The following SYCE1 variants were observed in gnomAD, a reference collection of about 807,000 sequenced individuals.
SYCE1 encodes the protein synaptonemal complex central element protein 1.
A neutral mutation model predicts 55.1 loss-of-function variants in SYCE1; 37 were observed. The ratio of observed to expected loss-of-function variants is 0.67; its 90% CI spans 0.52 to 0.88. The LOEUF (loss-of-function observed/expected upper bound fraction) is 0.88. Ranked by LOEUF, SYCE1 falls within the 40% of genes least tolerant of loss-of-function variation. The pLI is 0.00. For missense variants in SYCE1, 399 were observed against 416.4 expected (o/e 0.96, Z 0.36); for synonymous variants, 163 against 159.4 (o/e 1.02, Z -0.17).
In SYCE1 at chr10:133,556,354, C is replaced by T. The variant is rs1009941822; in HGVS notation, c.529-307G>A. 9.2e-6 allele frequency: 5 copies of T among 542,278 alleles called. No individual in the cohort carries two copies. The African/African-American group carries it at 9.4e-5, about 10-fold the overall frequency. The allele number at this position is 542,278 out of a possible 1,614,324, so 33.6% of individuals were successfully genotyped here. ...TCTGGAGGATCAGGTACCGGTTTAG[C>T]TCTGCAGCTCCTCCCCACTCCCCTC... On this transcript the variant is annotated intron_variant, in intron 8 of 12. Coordinates refer to ENST00000343131, the MANE Select transcript of SYCE1 (RefSeq NM_001143764.3).
At chr10:133,565,140 C>A (rs771367669) in intron 1 of SYCE1, among the ~76,000 whole-genome samples, 1 of 152,136 alleles carries the variant, frequency 6.6e-6, no homozygotes, top group African/African-American at 2.4e-5. Context: ...GGATTGGGAG[C>A]GTCAGGAAAA....
chr10:133,566,650 CA>C (rs1851944331), upstream of SYCE1, among the ~76,000 whole-genome samples: 3 of 115,814 alleles, frequency 2.6e-5, no homozygotes, highest in South Asian at 8.2e-4. Flanking sequence ...GGATTAGGGT[CA>C]GGGGTGGGGG....
In SYCE1 at chr10:133,555,151, G is replaced by C. The variant is rs1446199176; in HGVS notation, c.919-22C>G. 5.2e-6 allele frequency: 8 copies of C among 1,540,286 alleles called. No individual in the cohort carries two copies. The East Asian group carries it at 1.7e-4, about 33-fold the overall frequency. ...TGGCCTGCAGGAGGTTAGTGTCCAG[G>C]GTGGGAATTTACACCCATCCCCATG... On this transcript the variant is annotated intron_variant, in intron 12 of 12. Coordinates refer to ENST00000343131, the MANE Select transcript of SYCE1 (RefSeq NM_001143764.3).
intron 1 of SYCE1, among the ~76,000 whole-genome samples, chr10:133,565,250 A>G (rs1851899144): frequency 6.6e-6 from 1 of 152,220 alleles, no homozygotes; most frequent in Admixed American, 6.5e-5. Flanking sequence ...AGCAACTATG[A>G]TAACAGTTCA....
rs184556796 is a variant in SYCE1 at position 133,565,055 on chromosome 10, C to T, written c.73+402G>A. 3.1e-4 allele frequency among the ~76,000 whole-genome samples: 47 copies of T among 152,240 alleles called. 1 individual carries two copies. Among genetic ancestry groups the T allele is most frequent in the Admixed American group, 2.8e-3 (43 of 15,290 alleles). On this transcript the variant is annotated intron_variant, in intron 1 of 12. Coordinates refer to ENST00000343131, the MANE Select transcript of SYCE1 (RefSeq NM_001143764.3). ...GGGTGGGGGGCCCCACTGTCAAGAA[C>T]CAGTTTAGTGCGACTGGGAAATCTG...
intron 1 of SYCE1, chr10:133,560,453 G>T (rs1851793293): frequency 2.4e-5 from 5 of 207,226 alleles, no homozygotes; most frequent in Non-Finnish European, 4.8e-5. Flanking sequence ...AAAAATGAGG[G>T]TATAAAAAAC....
intron 1 of SYCE1, chr10:133,560,734 G>A (rs965243328): frequency 1.9e-4 from 29 of 151,944 alleles, no homozygotes; most frequent in African/African-American, 6.0e-4. Context: ...ACTATTTATG[G>A]CATTAACATT....
At chr10:133,558,278 G>T in intron 4 of SYCE1, 64 bp from the exon 5 acceptor site, 1 of 1,573,824 alleles carries the variant, frequency 6.4e-7, no homozygotes, top group Non-Finnish European at 8.7e-7. Flanking sequence ...GATGGGGCTT[G>T]CTCACGGTCA....
At chr10:133,559,537 A>G in intron 2 of SYCE1, 177 bp from the exon 3 acceptor site, 1 of 632,432 alleles carries the variant, frequency 1.6e-6, no homozygotes. Flanking sequence ...GAACAGACAC[A>G]ATAAGATACC....
At chr10:133,565,423 C>A in intron 1 of SYCE1, 34 bp downstream of exon 1, 1 of 1,507,754 alleles carries the variant, frequency 6.6e-7, no homozygotes, top group Non-Finnish European at 8.9e-7. Flanking sequence ...CGAGGTCAGA[C>A]CCTCACGCAC....
At chr10:133,566,762 TAC>T (rs1223934926), upstream of SYCE1, among the ~76,000 whole-genome samples, 1 of 150,926 alleles carries the variant, frequency 6.6e-6, no homozygotes, top group Admixed American at 6.6e-5. Context: ...GGTTAGGGGT[TAC>T]AGTTTAGGGT....
intron 12 of SYCE1, 34 bp from the exon 13 acceptor site, chr10:133,555,163 C>T: frequency 6.5e-7 from 1 of 1,534,404 alleles, no homozygotes; most frequent in South Asian, 1.2e-5. Flanking sequence ...TGGGAATTTA[C>T]ACCCATCCCC....
In SYCE1 at chr10:133,555,374, C is replaced by CCT; in HGVS notation, c.893_894dup (p.Glu299ArgfsTer15). On this transcript the variant is annotated frameshift_variant, in exon 12 of 13. Transcript: ENST00000343131. LOFTEE classifies it low-confidence loss of function (END_TRUNC). The stretch of plus-strand genomic sequence containing the variant: ...ACCACATCTCCTGGGCCAGCCTCTT[C>CCT]CTCTTGTGTGCTCTGGGCTTGGGCA... 6.2e-7 allele frequency: 1 copy of CCT among 1,614,066 alleles called. No homozygotes were observed. Among genetic ancestry groups the CCT allele is most frequent in the Non-Finnish European group, 8.5e-7 (1 of 1,179,986 alleles).
intron 8 of SYCE1, 56 bp downstream of exon 8, chr10:133,556,703 G>A: frequency 6.5e-7 from 1 of 1,528,992 alleles, no homozygotes; most frequent in Non-Finnish European, 8.9e-7. Flanking sequence ...GACCGTTTGG[G>A]CCTGGTGCTG....
At chr10:133,566,589 A>G, upstream of SYCE1, among the ~76,000 whole-genome samples, 1 of 49,894 alleles carries the variant, frequency 2.0e-5, no homozygotes, top group East Asian at 6.9e-4. Context: ...GGTTAGGGTC[A>G]GGGTTTTAGT....
intron 4 of SYCE1, chr10:133,558,586 T>C: frequency 1.9e-6 from 1 of 532,050 alleles, no homozygotes; most frequent in Non-Finnish European, 3.3e-6. Context: ...ATGCCAGTCA[T>C]CCTGTCTGGG....
At chr10:133,567,284 G>T (rs1020873492), upstream of SYCE1, among the ~76,000 whole-genome samples, 1 of 151,678 alleles carries the variant, frequency 6.6e-6, no homozygotes, top group African/African-American at 2.4e-5. Flanking sequence ...TAGGGCTTAG[G>T]GTTATGGGTT....
chr10:133,554,969 C>G lies in SYCE1; in HGVS notation c.*23G>C, dbSNP rs1452732705. On this transcript the variant is annotated 3_prime_UTR_variant, in exon 13 of 13. Transcript: ENST00000343131. ...GGGGATCTTGGGCCTGACCCCTACT[C>G]CTCACCAGTAGACTTAGCTGTATCA... The G allele has an allele frequency of 1.1e-5, 16 of 1,521,598 alleles. No individual in the cohort carries two copies. Among genetic ancestry groups the G allele is most frequent in the Non-Finnish European group, 1.1e-5 (13 of 1,134,786 alleles). 94.3% of individuals were successfully genotyped at this position (1,521,598 alleles called of 1,614,324 possible). A position where few individuals can be genotyped will look rare whatever the true frequency, so the allele number is the denominator to read the frequency against.
intron 9 of SYCE1, 29 bp from the exon 10 acceptor site, chr10:133,555,932 TG>T: frequency 6.2e-7 from 1 of 1,613,634 alleles, no homozygotes; most frequent in Non-Finnish European, 8.5e-7. Context: ...GGTGAGCACA[TG>T]AAGGCACGTG....
Sources: allele counts gnomAD v4.1 joint callset (sites outside exome capture counted in the v4.1 genomes callset), GRCh38; gene constraint gnomAD v4.1.1; transcripts MANE v1.5; gene names NCBI Gene and HGNC (gene_info 2026-07-23, HGNC 2026-07-21).